SCAF4: variants seen among roughly 807,000 people sequenced by gnomAD.
The protein encoded by SCAF4 is SR-related and CTD-associated factor 4.
A neutral mutation model predicts 129.8 loss-of-function variants in SCAF4; 25 were observed. The ratio of observed to expected loss-of-function variants is 0.19; its 90% confidence interval spans 0.14 to 0.27. The LOEUF (loss-of-function observed/expected upper bound fraction) is 0.27. Among genes scored for constraint, SCAF4 ranks in the 10% least tolerant of loss-of-function variants. The probability of loss-of-function intolerance (pLI) is 1.00; values close to 1 mark genes in which losing one functional copy is unlikely to be tolerated. For missense variants in SCAF4, 1,246 were observed against 1,457.1 expected, an observed-to-expected ratio of 0.86 and a Z score of 2.36; for synonymous variants, 551 against 497.7, an observed-to-expected ratio of 1.11 and a Z score of -1.43.
chr21:31,678,363 C>G lies in SCAF4; in HGVS notation c.2489-6009G>C, dbSNP rs138010414. ...ATGGCAATTCTGAAGGCTCTATCTT[C>G]AAAATATCTTCAGACTCTAACCACT... On this transcript the variant is annotated intron_variant, in intron 19 of 19. Transcript: ENST00000286835. 2.9e-3 allele frequency among the ~76,000 whole-genome samples: 447 copies of G among 152,252 alleles called. 4 individuals carry two copies. Among genetic ancestry groups the G allele is most frequent in the African/African-American group, 0.01 (425 of 41,554 alleles).
chr21:31,703,565 G>T (rs1430564912), intron 4 of SCAF4, among the ~76,000 whole-genome samples, 200 bp downstream of exon 4: 7 of 152,096 alleles, frequency 4.6e-5, no homozygotes, highest in Middle Eastern at 3.4e-3. Context: ...TATTTCAACA[G>T]TATGACTGAT....
At chr21:31,724,946 C>T (rs932070910) in intron 1 of SCAF4, among the ~76,000 whole-genome samples, 2 of 152,154 alleles carry the variant, frequency 1.3e-5, no homozygotes, top group East Asian at 1.9e-4. Context: ...TGATAAACCC[C>T]GCTACAGAAA....
chr21:31,712,883 A>G (rs1197621640), intron 1 of SCAF4: 10 of 973,312 alleles, frequency 1.0e-5, no homozygotes, highest in African/African-American at 3.5e-5. Flanking sequence ...AAAACTGTTA[A>G]TAGCATGAAA....
Position 31,694,910 on chromosome 21 carries a change from G to C in SCAF4, c.1139C>G (p.Ala380Gly). 1 of 1,614,030 alleles carries C rather than the reference G, an allele frequency of 6.2e-7. No homozygotes were observed. The highest frequency in any genetic ancestry group is 8.5e-7 in the Non-Finnish European group (1 of 1,179,868). ...LLPTPPFPPMAQPVIPPTPPV... is the reference protein window; with the variant it reads ...LLPTPPFPPMGQPVIPPTPPV... Reference sequence around the variant, plus strand: ...TGGAGTTGGAGGAATCACAGGCTGAGCCATGGGAGGAAATGGAGGTGTAGG... The same window carrying C: ...TGGAGTTGGAGGAATCACAGGCTGACCCATGGGAGGAAATGGAGGTGTAGG... The change falls in exon 10 of 20, where the codon GCT becomes GGT. Residue 380 changes from alanine to glycine, a missense_variant. By Grantham distance (60) the Ala-to-Gly change is moderately conservative (BLOSUM62 0). Coordinates refer to ENST00000286835, the MANE Select transcript of SCAF4 (RefSeq NM_020706.2).
intron 1 of SCAF4, among the ~76,000 whole-genome samples, chr21:31,720,390 GTTATTC>G (rs2051040026): frequency 6.6e-6 from 1 of 152,100 alleles, no homozygotes; most frequent in South Asian, 2.1e-4. Context: ...ACCAAACCTT[GTTATTC>G]TTAAACTGTG....
chr21:31,699,054 G>A lies in SCAF4; in HGVS notation c.777+1941C>T, dbSNP rs546882780. Among the ~76,000 whole-genome samples the A allele has an allele frequency of 2.0e-5, 3 of 152,174 alleles. No individual in the cohort carries two copies. The East Asian group carries it at 5.8e-4, about 29-fold the overall frequency. On this transcript the variant is annotated intron_variant, in intron 7 of 19. Coordinates refer to ENST00000286835, the MANE Select transcript of SCAF4 (RefSeq NM_020706.2). ...TTTGAAAAAGAGTGAAGTGGGAGGG[G>A]GAGAGACGGGATACCAGGAAATGAA... is the stretch of plus-strand genomic sequence containing the variant.
Position 31,688,362 on chromosome 21 carries a change from G to C in SCAF4, c.1988C>G (p.Pro663Arg), listed in dbSNP as rs1448662733. 1.2e-6 allele frequency: 2 copies of C among 1,613,136 alleles called. No individual in the cohort carries two copies. Among genetic ancestry groups the C allele is most frequent in the African/African-American group, 1.3e-5 (1 of 74,842 alleles). ...EPVSPIPKPL[P>R]VPVPPIPVPA... ...AACAGGAATAGGAGGGACAGGCACA[G>C]GTAATGGTTTAGGTATGGGTGATAC... Residue 663 changes from proline (P) to arginine (R), a missense_variant, in exon 16 of 20, where the codon CCT becomes CGT. This residue lies in a region of SCAF4 where 468 missense variants were observed against 605.5 expected (regional missense o/e 0.77). Transcript: ENST00000286835.
intron 1 of SCAF4, among the ~76,000 whole-genome samples, chr21:31,718,156 G>C (rs2050984761): frequency 6.6e-6 from 1 of 152,142 alleles, no homozygotes; most frequent in Non-Finnish European, 1.5e-5. Context: ...ATGTTAGTCA[G>C]GCTGGTCTTG....
chr21:31,697,697 C>T (rs1473337057), intron 7 of SCAF4, among the ~76,000 whole-genome samples: 2 of 152,168 alleles, frequency 1.3e-5, no homozygotes, highest in Non-Finnish European at 2.9e-5. Flanking sequence ...AATAGTTCTG[C>T]CTAGAGATTC....
At position 31,709,362 on chromosome 21, in the gene SCAF4, AAAG is replaced by A. The variant is rs1404857194; in HGVS notation, c.31-3008_31-3006del. Among the ~76,000 whole-genome samples, 192 of 147,846 alleles carry A rather than the reference AAAG, an allele frequency of 1.3e-3. 1 individual carries two copies. Among genetic ancestry groups the A allele is most frequent in the Non-Finnish European group, 8.8e-4 (59 of 66,706 alleles). On this transcript the variant is annotated intron_variant, in intron 1 of 19. Transcript: ENST00000286835. ...GTACTGAAACTGTCAAAAAAAAAAA[AAAG>A]AAAGAAAGAAAGAAAGAAATGAGCA...
intron 1 of SCAF4, among the ~76,000 whole-genome samples, chr21:31,731,125 C>T (rs2051343014): frequency 6.6e-6 from 1 of 152,236 alleles, no homozygotes; most frequent in Non-Finnish European, 1.5e-5. Context: ...TGAACACCCT[C>T]TTCAACTCCT....
intron 1 of SCAF4, among the ~76,000 whole-genome samples, chr21:31,731,293 G>A (rs554191457): frequency 2.0e-5 from 3 of 152,244 alleles, no homozygotes; most frequent in East Asian, 1.9e-4. Flanking sequence ...AGCCCTTTGC[G>A]GGCTCCCGGC....
intron 1 of SCAF4, among the ~76,000 whole-genome samples, chr21:31,714,902 C>CT (rs1391370277): frequency 1.3e-5 from 2 of 152,204 alleles, no homozygotes; most frequent in African/African-American, 4.8e-5. Flanking sequence ...CCTCTCTGTT[C>CT]TTTAACTATT....
At chr21:31,684,098 C>T (rs1010341184) in intron 19 of SCAF4, 5 of 153,564 alleles carry the variant, frequency 3.3e-5, no homozygotes, top group Admixed American at 2.0e-4. Flanking sequence ...TCCTCCATTA[C>T]AAACCAATGT....
chr21:31,716,253 T>C (rs2123654635), intron 1 of SCAF4, among the ~76,000 whole-genome samples: 2 of 152,276 alleles, frequency 1.3e-5, no homozygotes, highest in Middle Eastern at 6.8e-3. Flanking sequence ...CGGATTACAC[T>C]GATTATTTCC....
chr21:31,728,466 T>C (rs1264837946), intron 1 of SCAF4, among the ~76,000 whole-genome samples: 1 of 152,194 alleles, frequency 6.6e-6, no homozygotes, highest in Non-Finnish European at 1.5e-5. Flanking sequence ...CCTCATACTA[T>C]ACAAAATATT....
chr21:31,693,221 A>G, intron 12 of SCAF4, 73 bp downstream of exon 12: 1 of 1,073,118 alleles, frequency 9.3e-7, no homozygotes, highest in Non-Finnish European at 1.3e-6. Flanking sequence ...AGTTTTGCTA[A>G]CAGTTATAAA....
At chr21:31,696,500 G>A (rs1341624990) in intron 8 of SCAF4, 69 bp downstream of exon 8, 3 of 1,350,986 alleles carry the variant, frequency 2.2e-6, no homozygotes, top group East Asian at 4.7e-5. Flanking sequence ...ATTGCTAAAT[G>A]TTACTTAGGT....
chr21:31,698,307 G>A (rs1323652536), intron 7 of SCAF4, among the ~76,000 whole-genome samples: 1 of 152,092 alleles, frequency 6.6e-6, no homozygotes, highest in Non-Finnish European at 1.5e-5. Flanking sequence ...GAAAAGCACA[G>A]AATTCCTTTT....
Sources: allele counts gnomAD v4.1 joint callset (sites outside exome capture counted in the v4.1 genomes callset), GRCh38; gene constraint gnomAD v4.1.1; regional missense constraint gnomAD v4.1.1; transcripts MANE v1.5; gene names NCBI Gene and HGNC (gene_info 2026-07-23, HGNC 2026-07-21).